The following KCNH7 variants were observed in gnomAD, a reference collection of about 807,000 sequenced individuals.
KCNH7 encodes the protein voltage-gated inwardly rectifying potassium channel KCNH7.
A neutral mutation model predicts 120.8 loss-of-function variants in KCNH7; 49 were observed. That is an observed-to-expected ratio of 0.41 (90% confidence interval 0.32 to 0.51). The LOEUF (loss-of-function observed/expected upper bound fraction) is 0.51. KCNH7 is among the 20% of genes least tolerant of loss of function. The pLI, the probability that KCNH7 is intolerant of heterozygous loss-of-function variation, is 0.38. For synonymous variants in KCNH7, 547 were observed against 516.1 expected, an observed-to-expected ratio of 1.06 and a Z score of -0.81; for missense variants, 1,097 against 1,446.6, an observed-to-expected ratio of 0.76 and a Z score of 3.92.
intron 7 of KCNH7, among the ~76,000 whole-genome samples, chr2:162,443,655 C>T (rs900323398): frequency 1.2e-4 from 19 of 152,196 alleles, no homozygotes; most frequent in African/African-American, 4.3e-4. Context: ...TCCTGCATCA[C>T]AACATGTGGT....
chr2:162,471,040 G>A (rs959175668), intron 6 of KCNH7, among the ~76,000 whole-genome samples: 1 of 152,098 alleles, frequency 6.6e-6, no homozygotes, highest in Non-Finnish European at 1.5e-5. Flanking sequence ...ACAGATGCTT[G>A]AAGGCAGCAT....
chr2:162,665,110 T>C (rs1685090471), intron 2 of KCNH7, among the ~76,000 whole-genome samples: 1 of 151,870 alleles, frequency 6.6e-6, no homozygotes, highest in African/African-American at 2.4e-5. Context: ...TGAAAAAAAA[T>C]TCTTTGGATT....
At chr2:162,449,961 A>T (rs1196673311) in intron 6 of KCNH7, among the ~76,000 whole-genome samples, 1 of 152,114 alleles carries the variant, frequency 6.6e-6, no homozygotes, top group African/African-American at 2.4e-5. Context: ...TAGATCAAAA[A>T]TGATTGAAAT....
At chr2:162,835,814 G>C (rs1380528420) in intron 2 of KCNH7, among the ~76,000 whole-genome samples, 1 of 152,078 alleles carries the variant, frequency 6.6e-6, no homozygotes, top group Non-Finnish European at 1.5e-5. Flanking sequence ...CTCATAGCAA[G>C]TTTGACAGGA....
intron 2 of KCNH7, among the ~76,000 whole-genome samples, chr2:162,834,031 G>A (rs1015260816): frequency 1.3e-5 from 2 of 152,044 alleles, no homozygotes; most frequent in Admixed American, 6.6e-5. Flanking sequence ...CAATAATAAC[G>A]AATTACGGAA....
At chr2:162,770,631 G>A (rs1238683385) in intron 2 of KCNH7, among the ~76,000 whole-genome samples, 2 of 151,854 alleles carry the variant, frequency 1.3e-5, no homozygotes, top group Non-Finnish European at 1.5e-5. Context: ...TATATGATTC[G>A]GATAGAATAA....
At chr2:162,804,899 C>T (rs1212620962) in intron 2 of KCNH7, among the ~76,000 whole-genome samples, 1 of 151,932 alleles carries the variant, frequency 6.6e-6, no homozygotes, top group Admixed American at 6.6e-5. Flanking sequence ...GATATAGACA[C>T]ATAAACCAAT....
At chr2:162,818,765 C>A (rs1016165114) in intron 2 of KCNH7, among the ~76,000 whole-genome samples, 3 of 152,112 alleles carry the variant, frequency 2.0e-5, no homozygotes, top group Non-Finnish European at 4.4e-5. Context: ...TTTTGTCCAA[C>A]TTATTCTATT....
intron 2 of KCNH7, among the ~76,000 whole-genome samples, chr2:162,658,679 G>C (rs1375359485): frequency 6.6e-6 from 1 of 151,990 alleles, no homozygotes; most frequent in Non-Finnish European, 1.5e-5. Flanking sequence ...CTCATGTAGA[G>C]GTTGTATATA....
intron 2 of KCNH7, among the ~76,000 whole-genome samples, chr2:162,825,416 A>G (rs1685247150): frequency 6.6e-6 from 1 of 152,004 alleles, no homozygotes; most frequent in Admixed American, 6.6e-5. Context: ...ACAATAAGGT[A>G]CTCTTTCTAC....
intron 2 of KCNH7, among the ~76,000 whole-genome samples, chr2:162,752,944 A>AG (rs1688629497): frequency 1.9e-5 from 2 of 102,576 alleles, no homozygotes; most frequent in African/African-American, 1.2e-4. Flanking sequence ...AAAAGAAAAG[A>AG]AAAGAAAAGA....
intron 2 of KCNH7, among the ~76,000 whole-genome samples, chr2:162,814,195 G>A (rs1366399031): frequency 6.6e-6 from 1 of 152,150 alleles, no homozygotes; most frequent in Non-Finnish European, 1.5e-5. Flanking sequence ...AGGTTTGCAG[G>A]AAAGTTGGTT....
chr2:162,822,829 C>T (rs1408108513), intron 2 of KCNH7, among the ~76,000 whole-genome samples: 1 of 152,162 alleles, frequency 6.6e-6, no homozygotes, highest in African/African-American at 2.4e-5. Flanking sequence ...TATTATAATG[C>T]CTGTTGCTTC....
chr2:162,658,305 T>C lies in KCNH7; in HGVS notation c.308-121225A>G, dbSNP rs57069164. On this transcript the variant is annotated intron_variant, in intron 2 of 15. Coordinates refer to ENST00000332142, the MANE Select transcript of KCNH7 (RefSeq NM_033272.4). Reference sequence around the variant, plus strand: ...TTTGTTAAAGGATAGGTGACTATATTTGCATGGGTCTAATTCTGAGTTCTC... The same window carrying C: ...TTTGTTAAAGGATAGGTGACTATATCTGCATGGGTCTAATTCTGAGTTCTC... Among the ~76,000 whole-genome samples, 1,446 of 152,222 alleles carry C rather than the reference T, an allele frequency of 9.5e-3. 22 individuals are homozygous for C. The highest frequency in any genetic ancestry group is 0.032 in the African/African-American group (1,344 of 41,546).
At chr2:162,680,861 A>G (rs1213728505) in intron 2 of KCNH7, among the ~76,000 whole-genome samples, 2 of 151,834 alleles carry the variant, frequency 1.3e-5, no homozygotes, top group East Asian at 3.9e-4. Flanking sequence ...AGATGAGATC[A>G]GGAAAACGCC....
intron 2 of KCNH7, among the ~76,000 whole-genome samples, chr2:162,744,404 T>C (rs1688240253): frequency 1.3e-5 from 2 of 152,148 alleles, no homozygotes; most frequent in Admixed American, 1.3e-4. Flanking sequence ...CTCATGGTTC[T>C]GTTATTTTTC....
At chr2:162,753,635 A>G (rs569377030) in intron 2 of KCNH7, among the ~76,000 whole-genome samples, 10 of 151,830 alleles carry the variant, frequency 6.6e-5, no homozygotes, top group Non-Finnish European at 1.3e-4. Flanking sequence ...TTCTGTTGGA[A>G]CTAAAAACTT....
chr2:162,792,499 G>T (rs560448092), intron 2 of KCNH7, among the ~76,000 whole-genome samples: 1 of 151,776 alleles, frequency 6.6e-6, no homozygotes, highest in African/African-American at 2.4e-5. Context: ...ATTCTTCCTG[G>T]CTCAGTCTTA....
intron 2 of KCNH7, among the ~76,000 whole-genome samples, chr2:162,566,033 A>G (rs1196959686): frequency 2.0e-5 from 3 of 152,020 alleles, no homozygotes; most frequent in Admixed American, 6.6e-5. Flanking sequence ...GATATCTTAC[A>G]AGTTCCTTTC....
Sources: gnomAD v4.1 joint callset for allele counts (sites outside exome capture counted in the v4.1 genomes callset) on GRCh38, gnomAD v4.1.1 for gene constraint, MANE v1.5 for transcripts, NCBI Gene and HGNC (gene_info 2026-07-23, HGNC 2026-07-21) for gene names.